DNAH7: variants seen among roughly 807,000 people sequenced by gnomAD.
DNAH7 encodes the protein dynein axonemal heavy chain 7, also known as axonemal beta dynein heavy chain 7.
A neutral mutation model predicts 444.6 loss-of-function variants in DNAH7; 397 were observed. The observed-to-expected ratio is 0.89, with a 90% CI of 0.82 to 0.97. The LOEUF is 0.97. Ranked by LOEUF, DNAH7 falls within the 50% of genes least tolerant of loss-of-function variation. The pLI is 0.00. For synonymous variants in DNAH7, 1,636 were observed against 1,624.4 expected (o/e 1.01, Z -0.17); for missense variants, 4,902 against 4,800.8 (o/e 1.02, Z -0.62).
At chr2:195,872,720 T>C (rs1700791700) in intron 39 of DNAH7, among the ~76,000 whole-genome samples, 1 of 152,114 alleles carries the variant, frequency 6.6e-6, no homozygotes, top group Non-Finnish European at 1.5e-5. Flanking sequence ...TTTAATGGAC[T>C]TAAAATCACT....
In DNAH7 at chr2:195,799,436, A is replaced by G; in HGVS notation, c.10213T>C (p.Leu3405=). Residue 3405 remains leucine (L), a synonymous_variant, in exon 55 of 65, where the codon TTG becomes CTG. Transcript: ENST00000312428. ...GGTGGTTCAATGAATGCACGTCCCAATCTGTTGATTATAAATTCCTGCAAC... is the reference window on the plus strand; with the variant it reads ...GGTGGTTCAATGAATGCACGTCCCAGTCTGTTGATTATAAATTCCTGCAAC... ...PMLQEFIINR[L]GRAFIEPPPF... is the part of the protein sequence containing the mutation. 2 of 1,603,858 alleles carry G rather than the reference A, an allele frequency of 1.2e-6. No individual in the cohort carries two copies. Among genetic ancestry groups the G allele is most frequent in the South Asian group, 2.3e-5 (2 of 88,586 alleles).
chr2:196,064,445 A>G (rs750449515), intron 1 of DNAH7, among the ~76,000 whole-genome samples: 12 of 152,122 alleles, frequency 7.9e-5, no homozygotes, highest in Non-Finnish European at 1.6e-4. Context: ...TTCCTGTACC[A>G]ACATTGTCTG....
intron 1 of DNAH7, among the ~76,000 whole-genome samples, chr2:196,061,725 A>C (rs768432248): frequency 3.3e-5 from 5 of 152,166 alleles, no homozygotes; most frequent in Non-Finnish European, 7.4e-5. Context: ...GTGGAGAAAA[A>C]GAAAGAATGG....
intron 14 of DNAH7, among the ~76,000 whole-genome samples, chr2:195,985,414 G>A (rs779433171): frequency 6.6e-6 from 1 of 152,128 alleles, no homozygotes; most frequent in Non-Finnish European, 1.5e-5. Flanking sequence ...TCAAAATAAG[G>A]AATATAGAAG....
At chr2:195,783,889 T>C (rs1304681530) in intron 58 of DNAH7, among the ~76,000 whole-genome samples, 1 of 152,056 alleles carries the variant, frequency 6.6e-6, no homozygotes, top group African/African-American at 2.4e-5. Context: ...CACTCACAGT[T>C]AACCAAATTT....
Position 195,873,645 on chromosome 2 carries a change from A to C in DNAH7, c.6336T>G (p.Ile2112Met). The C allele has an allele frequency of 6.5e-7, 1 of 1,533,994 alleles. No homozygotes were observed. Residue 2112 changes from isoleucine to methionine, a missense_variant, in exon 39 of 65, where the codon ATT becomes ATG. Physicochemically the swap from Ile to Met is conservative, Grantham distance 10 (BLOSUM62 1). Coordinates refer to ENST00000312428, the MANE Select transcript of DNAH7 (RefSeq NM_018897.3). ...TATCACTAAACTCATTGATTGTTAT[A>C]ATATTGAAATGTCGCATGTATCGAG... ...VTPRYMRHFN[I>M]ITINEFSDKS...
chr2:195,969,552 C>T (rs1691704438), intron 17 of DNAH7, among the ~76,000 whole-genome samples: 1 of 152,096 alleles, frequency 6.6e-6, no homozygotes, highest in African/African-American at 2.4e-5. Flanking sequence ...TAAAACAAGA[C>T]CACTAAATCT....
At chr2:195,926,281 A>G in intron 22 of DNAH7, 145 bp downstream of exon 22, 1 of 712,890 alleles carries the variant, frequency 1.4e-6, no homozygotes, top group Non-Finnish European at 2.0e-6. Flanking sequence ...TGCAATTTTT[A>G]TTTAAAAAAT....
At chr2:195,760,746 C>T (rs1239021501) in intron 61 of DNAH7, among the ~76,000 whole-genome samples, 1 of 152,030 alleles carries the variant, frequency 6.6e-6, no homozygotes, top group Non-Finnish European at 1.5e-5. Flanking sequence ...AAAGCAGATA[C>T]AGCTGCAGTG....
intron 21 of DNAH7, among the ~76,000 whole-genome samples, chr2:195,931,639 A>T (rs543986237): frequency 0.019 from 2,832 of 152,134 alleles, 80 homozygotes; most frequent in African/African-American, 0.065. Flanking sequence ...CTTTCTACAT[A>T]TGGCTAGCCA....
At position 195,891,679 on chromosome 2, in the gene DNAH7, A is replaced by C. The variant is rs1158464046; in HGVS notation, c.5022T>G (p.Ser1674Arg). 1 of 1,594,608 alleles carries C rather than the reference A, an allele frequency of 6.3e-7. No homozygotes were observed. The highest frequency in any genetic ancestry group is 1.2e-5 in the South Asian group (1 of 85,116). Residue 1674 changes from serine to arginine, a missense_variant, in exon 31 of 65, where the codon AGT becomes AGG. Physicochemically the swap from Ser to Arg is moderately radical, Grantham distance 110. Transcript: ENST00000312428. ...CCACTGAAGAGGCAAATGCTCTAAA[A>C]CTGACAGCAAGGACCCCATCAGACC... ...HEWSDGVLAV[S>R]FRAFASSVTP... is the part of the protein sequence containing the mutation.
At chr2:195,980,728 G>GT (rs1416519964) in intron 15 of DNAH7, among the ~76,000 whole-genome samples, 1 of 151,854 alleles carries the variant, frequency 6.6e-6, no homozygotes, top group Non-Finnish European at 1.5e-5. Context: ...GTGATACACT[G>GT]TATCAACAGA....
At chr2:195,841,688 A>C (rs1017221423) in intron 47 of DNAH7, among the ~76,000 whole-genome samples, 4 of 151,666 alleles carry the variant, frequency 2.6e-5, no homozygotes, top group Admixed American at 2.0e-4. Flanking sequence ...TTTTTTTTTT[A>C]ACAAGAAAAT....
At chr2:196,038,729 G>C (rs568516562) in intron 5 of DNAH7, among the ~76,000 whole-genome samples, 3 of 152,208 alleles carry the variant, frequency 2.0e-5, no homozygotes, top group Admixed American at 2.0e-4. Flanking sequence ...AGATGAAGTA[G>C]TAACTATACT....
At chr2:195,917,044 G>C (rs960969494) in intron 24 of DNAH7, among the ~76,000 whole-genome samples, 11 of 147,956 alleles carry the variant, frequency 7.4e-5, no homozygotes, top group Non-Finnish European at 1.6e-4. Flanking sequence ...AGAGCTTGCA[G>C]TGAGCCGAGA....
chr2:196,036,774 A>C (rs1575075099), intron 5 of DNAH7, among the ~76,000 whole-genome samples: 1 of 152,148 alleles, frequency 6.6e-6, no homozygotes, highest in Non-Finnish European at 1.5e-5. Flanking sequence ...TATTGCTGGC[A>C]TCTATGCAAC....
intron 54 of DNAH7, among the ~76,000 whole-genome samples, chr2:195,802,929 C>T (rs994286890): frequency 7.2e-5 from 11 of 152,180 alleles, no homozygotes; most frequent in Non-Finnish European, 1.5e-4. Context: ...TTATTTAGCT[C>T]TCACTTATAA....
At chr2:196,007,721 C>T (rs190120375) in intron 10 of DNAH7, among the ~76,000 whole-genome samples, 6 of 152,204 alleles carry the variant, frequency 3.9e-5, no homozygotes, top group African/African-American at 1.4e-4. Context: ...CTACACATGC[C>T]CTCTTGCCTG....
At chr2:195,750,552 A>C (rs1693736235) in intron 63 of DNAH7, among the ~76,000 whole-genome samples, 1 of 152,244 alleles carries the variant, frequency 6.6e-6, no homozygotes. Context: ...GAGAAATGTG[A>C]TGTTTTCAAA....
Sources: gnomAD v4.1 joint callset for allele counts (sites outside exome capture counted in the v4.1 genomes callset) on GRCh38, gnomAD v4.1.1 for gene constraint, MANE v1.5 for transcripts, NCBI Gene and HGNC (gene_info 2026-07-23, HGNC 2026-07-21) for gene names.